Variants in NUAK1 observed in about 807,000 individuals in gnomAD.
The protein encoded by NUAK1 is NUAK family SNF1-like kinase 1.
A neutral mutation model predicts 56.9 loss-of-function variants in NUAK1; 26 were observed. That is an observed-to-expected ratio of 0.46 (90% confidence interval 0.33 to 0.63). The LOEUF (loss-of-function observed/expected upper bound fraction) is 0.63, where lower values mean the gene tolerates loss of function less well. NUAK1 is among the 30% of genes least tolerant of loss of function. The probability of loss-of-function intolerance (pLI) is 0.02; values close to 1 mark genes in which losing one functional copy is unlikely to be tolerated. For synonymous variants in NUAK1, 337 were observed against 336.0 expected, an observed-to-expected ratio of 1.00 and a Z score of -0.03; for missense variants, 727 against 876.1, an observed-to-expected ratio of 0.83 and a Z score of 2.15.
chr12:106,132,213 T>C (rs1417743701), intron 1 of NUAK1, among the ~76,000 whole-genome samples: 1 of 152,246 alleles, frequency 6.6e-6, no homozygotes, highest in African/African-American at 2.4e-5. Flanking sequence ...GACATTGCTC[T>C]GTAACCTGCC....
intron 1 of NUAK1, among the ~76,000 whole-genome samples, chr12:106,137,823 G>A (rs1389096641): frequency 6.6e-6 from 1 of 152,230 alleles, no homozygotes; most frequent in Admixed American, 6.5e-5. Flanking sequence ...GAATCCTCAG[G>A]CTTGCAGTAG....
At chr12:106,124,942 A>G (rs1297906042) in intron 1 of NUAK1, among the ~76,000 whole-genome samples, 2 of 152,076 alleles carry the variant, frequency 1.3e-5, no homozygotes, top group Non-Finnish European at 2.9e-5. Flanking sequence ...GGTTGCAATG[A>G]GCCGAGATCA....
chr12:106,098,193 T>C (rs2032713414), intron 2 of NUAK1, among the ~76,000 whole-genome samples: 1 of 152,198 alleles, frequency 6.6e-6, no homozygotes, highest in Non-Finnish European at 1.5e-5. Flanking sequence ...GGAGCACAGG[T>C]AGCTTGCAAA....
intron 1 of NUAK1, among the ~76,000 whole-genome samples, chr12:106,123,866 C>A (rs944932617): frequency 6.6e-6 from 1 of 152,216 alleles, no homozygotes; most frequent in East Asian, 1.9e-4. Flanking sequence ...CCACTGGGCC[C>A]GAGACACTGC....
intron 2 of NUAK1, among the ~76,000 whole-genome samples, chr12:106,090,239 T>A (rs1397724426): frequency 1.3e-5 from 2 of 152,146 alleles, no homozygotes; most frequent in Non-Finnish European, 2.9e-5. Context: ...GGCCTGGCTC[T>A]GGGACACCAT....
chr12:106,095,027 C>A (rs541492980), intron 2 of NUAK1, among the ~76,000 whole-genome samples: 1 of 152,214 alleles, frequency 6.6e-6, no homozygotes, highest in Admixed American at 6.5e-5. Flanking sequence ...AAGGTGGAAA[C>A]GGGCGCTATC....
At chr12:106,101,509 A>G (rs1450964715) in intron 2 of NUAK1, among the ~76,000 whole-genome samples, 1 of 152,198 alleles carries the variant, frequency 6.6e-6, no homozygotes, top group Non-Finnish European at 1.5e-5. Context: ...GGAAATTTGG[A>G]CACAGACACA....
chr12:106,080,806 A>G (rs1279625914), intron 4 of NUAK1, among the ~76,000 whole-genome samples: 1 of 152,188 alleles, frequency 6.6e-6, no homozygotes, highest in East Asian at 1.9e-4. Context: ...GCTCCAAGAG[A>G]GGATCTTGCT....
intron 1 of NUAK1, among the ~76,000 whole-genome samples, chr12:106,133,782 T>C (rs1428563598): frequency 6.6e-6 from 1 of 152,224 alleles, no homozygotes; most frequent in Admixed American, 6.5e-5. Context: ...TGAACTGTTG[T>C]CCAACTTGAA....
chr12:106,130,983 G>C (rs1466292276), intron 1 of NUAK1, among the ~76,000 whole-genome samples: 1 of 152,180 alleles, frequency 6.6e-6, no homozygotes, highest in Non-Finnish European at 1.5e-5. Context: ...TCAAGGGGTG[G>C]GCTGGCATAC....
At chr12:106,110,354 G>A (rs1380154814) in intron 1 of NUAK1, among the ~76,000 whole-genome samples, 2 of 152,126 alleles carry the variant, frequency 1.3e-5, no homozygotes, top group East Asian at 1.9e-4. Flanking sequence ...GAGCCAGCGC[G>A]ACTGCTCCAG....
At position 106,124,643 on chromosome 12, in the gene NUAK1, C is replaced by T. The variant is rs373793747; in HGVS notation, c.240+13771G>A. ...TAAGCTGCAAGGAAGGGAGCAGAAA[C>T]GTCATCTGTCTCACCATGGCTGTCT... On this transcript the variant is annotated intron_variant, in intron 1 of 6. Transcript: ENST00000261402. Among the ~76,000 whole-genome samples the T allele has an allele frequency of 3.3e-5, 5 of 152,138 alleles. No individual in the cohort carries two copies. In the East Asian group the frequency reaches 7.7e-4, roughly 23 times the overall value.
chr12:106,088,731 T>C (rs2032601178), intron 2 of NUAK1, among the ~76,000 whole-genome samples: 1 of 152,260 alleles, frequency 6.6e-6, no homozygotes, highest in African/African-American at 2.4e-5. Flanking sequence ...ATGTTAGCTA[T>C]TATTGTTGCT....
At chr12:106,125,605 T>C (rs1174100496) in intron 1 of NUAK1, among the ~76,000 whole-genome samples, 1 of 152,220 alleles carries the variant, frequency 6.6e-6, no homozygotes, top group Non-Finnish European at 1.5e-5. Context: ...ATTCCTGCTA[T>C]GAGGGTTGTT....
intron 1 of NUAK1, among the ~76,000 whole-genome samples, chr12:106,112,574 T>C (rs1001940342): frequency 6.6e-6 from 1 of 152,160 alleles, no homozygotes; most frequent in African/African-American, 2.4e-5. Flanking sequence ...GGGCTCTTTA[T>C]GGAGGGGCCT....
Position 106,066,539 on chromosome 12 carries a change from T to C in NUAK1, c.*263A>G, listed in dbSNP as rs573483487. 3 of 512,678 alleles carry C rather than the reference T, an allele frequency of 5.9e-6. No homozygotes were observed. The highest frequency in any genetic ancestry group is 1.9e-5 in the African/African-American group (1 of 52,440). 31.8% of individuals were successfully genotyped at this position (512,678 alleles called of 1,614,324 possible). On this transcript the variant is annotated 3_prime_UTR_variant, in exon 7 of 7. Transcript: ENST00000261402. ...GAGTGCCGGTCAATACCACCTCCCCTGGACAGCTGGTCCTCTAGGAGGTGC... is the reference window on the plus strand; with the variant it reads ...GAGTGCCGGTCAATACCACCTCCCCCGGACAGCTGGTCCTCTAGGAGGTGC...
chr12:106,111,828 A>G (rs987949509), intron 1 of NUAK1, among the ~76,000 whole-genome samples: 4 of 151,026 alleles, frequency 2.6e-5, no homozygotes, highest in Non-Finnish European at 5.9e-5. Context: ...ATTTAAGCCT[A>G]CCTACAATCC....
chr12:106,112,794 G>A (rs1166547573), intron 1 of NUAK1, among the ~76,000 whole-genome samples: 1 of 152,204 alleles, frequency 6.6e-6, no homozygotes, highest in Non-Finnish European at 1.5e-5. Context: ...TGAAGCCAGG[G>A]AGCATGGTAT....
At chr12:106,091,679 C>T (rs1171316979) in intron 2 of NUAK1, among the ~76,000 whole-genome samples, 1 of 152,140 alleles carries the variant, frequency 6.6e-6, no homozygotes, top group Admixed American at 6.5e-5. Context: ...ATCCAAGAGA[C>T]AGGAGCAAGG....
Sources: gnomAD v4.1 joint callset for allele counts (sites outside exome capture counted in the v4.1 genomes callset) on GRCh38, gnomAD v4.1.1 for gene constraint, MANE v1.5 for transcripts, NCBI Gene and HGNC (gene_info 2026-07-23, HGNC 2026-07-21) for gene names.